The following CNTN4 variants were observed in gnomAD, a reference collection of about 807,000 sequenced individuals.
CNTN4 encodes contactin-4.
In CNTN4, 77 loss-of-function variants were observed where a neutral mutation model predicts 122.5. The ratio of observed to expected loss-of-function variants is 0.63; its 90% CI spans 0.52 to 0.76. The LOEUF is 0.76. Among genes scored for constraint, CNTN4 ranks in the 30% least tolerant of loss-of-function variants. The probability of loss-of-function intolerance (pLI) is 0.00; values close to 1 mark genes in which losing one functional copy is unlikely to be tolerated. For synonymous variants in CNTN4, 512 were observed against 447.0 expected (o/e 1.15, Z -1.83); for missense variants, 1,256 against 1,259.1 (o/e 1.00, Z 0.04).
chr3:2,993,351 G>A (rs1695223938), intron 14 of CNTN4, among the ~76,000 whole-genome samples: 1 of 148,542 alleles, frequency 6.7e-6, no homozygotes, highest in Non-Finnish European at 1.5e-5. Flanking sequence ...AGGCTAGAGT[G>A]CAATGGTGAG....
intron 2 of CNTN4, among the ~76,000 whole-genome samples, chr3:2,136,705 AAG>A (rs1459451117): frequency 5.9e-5 from 9 of 152,224 alleles, no homozygotes; most frequent in Admixed American, 3.9e-4. Context: ...AAAAAAAAAA[AAG>A]AAATCCAAGG....
intron 4 of CNTN4, among the ~76,000 whole-genome samples, chr3:2,652,556 C>T (rs370771116): frequency 1.3e-4 from 20 of 152,182 alleles, no homozygotes; most frequent in African/African-American, 3.6e-4. Flanking sequence ...TGGAATGTGA[C>T]AGGGAGAGAA....
rs372259253 is a variant in CNTN4 at position 2,343,879 on chromosome 3, C to A, written c.-89+4646C>A. On this transcript the variant is annotated intron_variant, in intron 3 of 24. Coordinates refer to ENST00000418658, the MANE Select transcript of CNTN4 (RefSeq NM_175607.3). ...TCCAGCTGTACAAGAAGCATGGCAC[C>A]AGCATCTGTGTGTGGTGACAGCCTC... Among the ~76,000 whole-genome samples, 187 of 152,232 alleles carry A rather than the reference C, an allele frequency of 1.2e-3. 9 individuals are homozygous for A. In the South Asian group the frequency reaches 0.037, roughly 30 times the overall value.
At chr3:2,571,388 T>G (rs891521004) in intron 3 of CNTN4, 28 bp from the exon 4 acceptor site, 46 of 770,188 alleles carry the variant, frequency 6.0e-5, no homozygotes, top group Admixed American at 2.5e-4. Flanking sequence ...TTCCCAAATC[T>G]CATTGTAATG....
At chr3:3,018,974 A>T (rs1698021907) in intron 14 of CNTN4, among the ~76,000 whole-genome samples, 1 of 152,202 alleles carries the variant, frequency 6.6e-6, no homozygotes, top group South Asian at 2.1e-4. Context: ...AGTGGCCAAA[A>T]TGGGGACAAT....
At chr3:2,382,162 C>T (rs948945172) in intron 3 of CNTN4, among the ~76,000 whole-genome samples, 1 of 150,164 alleles carries the variant, frequency 6.7e-6, no homozygotes, top group Non-Finnish European at 1.5e-5. Context: ...ACATTTTCTT[C>T]CTATCGTGAT....
At chr3:2,584,692 C>T (rs1281581762) in intron 4 of CNTN4, among the ~76,000 whole-genome samples, 17 of 96,064 alleles carry the variant, frequency 1.8e-4, no homozygotes, top group East Asian at 1.1e-3. Context: ...AGCAAAACTC[C>T]GTCTCAAAAA....
chr3:2,983,392 A>T (rs915840112), intron 13 of CNTN4, among the ~76,000 whole-genome samples: 1 of 152,016 alleles, frequency 6.6e-6, no homozygotes, highest in Admixed American at 6.5e-5. Context: ...AGGACTTCAG[A>T]GTGGCAGAAC....
At chr3:2,901,648 C>G (rs2094174816) in intron 11 of CNTN4, among the ~76,000 whole-genome samples, 1 of 152,144 alleles carries the variant, frequency 6.6e-6, no homozygotes, top group South Asian at 2.1e-4. Context: ...TGGTCTAGGT[C>G]CTGTTGCTTG....
intron 12 of CNTN4, among the ~76,000 whole-genome samples, chr3:2,916,507 A>C (rs1281740561): frequency 2.0e-5 from 3 of 147,592 alleles, no homozygotes; most frequent in African/African-American, 5.0e-5. Context: ...TTCAGAGAGC[A>C]CGGGGTTGGG....
intron 14 of CNTN4, among the ~76,000 whole-genome samples, chr3:3,006,048 G>A (rs1271707353): frequency 1.3e-5 from 2 of 151,854 alleles, no homozygotes; most frequent in African/African-American, 4.8e-5. Flanking sequence ...CCCACGCTCG[G>A]CTAATTTTTT....
chr3:3,040,204 A>C lies in CNTN4; in HGVS notation c.2331A>C (p.Val777=), dbSNP rs1292749107. The change falls in exon 20 of 25, where the codon GTA becomes GTC. Residue 777 remains valine (V), a synonymous_variant. Coordinates refer to ENST00000418658, the MANE Select transcript of CNTN4 (RefSeq NM_175607.3). ...CCTTCTCTCCCTTTGAGGTTAAAGT[A>C]GGTGTCTTCAACAACAAAGGAGAAG... is the stretch of plus-strand genomic sequence containing the variant. ...VHPFSPFEVK[V]GVFNNKGEGP... The C allele has an allele frequency of 1.9e-6, 3 of 1,614,240 alleles. No individual in the cohort carries two copies. The highest frequency in any genetic ancestry group is 2.5e-6 in the Non-Finnish European group (3 of 1,180,028).
chr3:2,776,671 G>C (rs985262435), intron 6 of CNTN4, among the ~76,000 whole-genome samples: 1 of 152,040 alleles, frequency 6.6e-6, no homozygotes, highest in South Asian at 2.1e-4. Context: ...GGTTCCCTGG[G>C]TCCCAGCACA....
intron 17 of CNTN4, 132 bp from the exon 18 acceptor site, chr3:3,037,047 T>G (rs978003401): frequency 2.9e-6 from 3 of 1,046,124 alleles, no homozygotes; most frequent in Admixed American, 3.4e-5. Flanking sequence ...ATGCAGCTAA[T>G]ATCAGAACAC....
intron 2 of CNTN4, among the ~76,000 whole-genome samples, chr3:2,278,116 A>T (rs2041586479): frequency 1.3e-5 from 2 of 152,210 alleles, no homozygotes; most frequent in Non-Finnish European, 2.9e-5. Flanking sequence ...AAATACACAG[A>T]AAGACATGAA....
At chr3:2,349,001 T>G (rs2150421806) in intron 3 of CNTN4, among the ~76,000 whole-genome samples, 1 of 152,320 alleles carries the variant, frequency 6.6e-6, no homozygotes, top group East Asian at 1.9e-4. Flanking sequence ...GATGAGCTTT[T>G]AGGAAAGATA....
At chr3:2,478,355 T>A (rs2075888003) in intron 3 of CNTN4, among the ~76,000 whole-genome samples, 1 of 152,010 alleles carries the variant, frequency 6.6e-6, no homozygotes, top group Admixed American at 6.6e-5. Context: ...TTTAAAATAA[T>A]AAATGAAATA....
intron 14 of CNTN4, among the ~76,000 whole-genome samples, chr3:2,997,960 T>C (rs1289131389): frequency 6.6e-6 from 1 of 152,200 alleles, no homozygotes; most frequent in African/African-American, 2.4e-5. Flanking sequence ...TTTTTCCCCT[T>C]TTCTCTCTCT....
rs536057756 is a variant in CNTN4 at position 2,253,262 on chromosome 3, C to T, written c.-144-85916C>T. ...ACAAAGTGTGTTAATGACTTCTATT[C>T]CTGCTACCTTATTTTTCTGCCCATT... On this transcript the variant is annotated intron_variant, in intron 2 of 24. Transcript: ENST00000418658. 2.0e-5 allele frequency among the ~76,000 whole-genome samples: 3 copies of T among 152,210 alleles called. No individual in the cohort carries two copies. The South Asian group carries it at 6.2e-4, about 32-fold the overall frequency.
Sources: allele counts gnomAD v4.1 joint callset (sites outside exome capture counted in the v4.1 genomes callset), GRCh38; gene constraint gnomAD v4.1.1; transcripts MANE v1.5; gene names NCBI Gene and HGNC (gene_info 2026-07-23, HGNC 2026-07-21).